Variants in GRIA4 observed in about 807,000 individuals in gnomAD.
The protein encoded by GRIA4 is glutamate receptor 4.
In GRIA4, 34 loss-of-function variants were observed where a neutral mutation model predicts 104.0. That is an observed-to-expected ratio of 0.33 (90% CI 0.25 to 0.44). GRIA4 has a LOEUF of 0.44. Among genes scored for constraint, GRIA4 ranks in the 20% least tolerant of loss-of-function variants. The probability of loss-of-function intolerance (pLI) is 1.00; values close to 1 mark genes in which losing one functional copy is unlikely to be tolerated. For synonymous variants in GRIA4, 386 were observed against 381.9 expected, an observed-to-expected ratio of 1.01 and a Z score of -0.13; for missense variants, 750 against 1,096.5, an observed-to-expected ratio of 0.68 and a Z score of 4.46.
chr11:105,680,262 A>T (rs1472544732), intron 3 of GRIA4, among the ~76,000 whole-genome samples: 3 of 152,098 alleles, frequency 2.0e-5, no homozygotes, highest in African/African-American at 7.2e-5. Flanking sequence ...TACTAGGGGT[A>T]TGGTGAGTGG....
chr11:105,657,835 T>C (rs1433220422), intron 3 of GRIA4, among the ~76,000 whole-genome samples: 7 of 151,944 alleles, frequency 4.6e-5, no homozygotes, highest in Non-Finnish European at 1.0e-4. Flanking sequence ...AAAAATAAGA[T>C]TCAAATATTA....
intron 3 of GRIA4, among the ~76,000 whole-genome samples, chr11:105,666,656 TC>T: frequency 6.6e-6 from 1 of 152,156 alleles, no homozygotes; most frequent in South Asian, 2.1e-4. Context: ...GTTGTTTTAA[TC>T]TTTTTTGAAG....
intron 4 of GRIA4, among the ~76,000 whole-genome samples, chr11:105,839,214 A>G (rs888113239): frequency 2.0e-5 from 3 of 152,194 alleles, no homozygotes; most frequent in African/African-American, 7.2e-5. Context: ...AATTCCATGT[A>G]CTACTTTCCA....
chr11:105,627,129 G>A (rs1490411886), intron 3 of GRIA4, among the ~76,000 whole-genome samples: 3 of 152,154 alleles, frequency 2.0e-5, no homozygotes, highest in Non-Finnish European at 2.9e-5. Flanking sequence ...CAGAAATTAT[G>A]TGACAATCTG....
intron 5 of GRIA4, among the ~76,000 whole-genome samples, chr11:105,871,733 T>A (rs1320584307): frequency 6.6e-6 from 1 of 151,944 alleles, no homozygotes. Context: ...TGAAGTCATA[T>A]GACTTTCAGA....
chr11:105,698,900 A>G (rs1202862060), intron 3 of GRIA4, among the ~76,000 whole-genome samples: 1 of 50,202 alleles, frequency 2.0e-5, no homozygotes, highest in Admixed American at 2.9e-4. Context: ...ACATGCTGCT[A>G]TTTAAGGGGC....
At chr11:105,620,564 AAGTTACCT>A in intron 3 of GRIA4, among the ~76,000 whole-genome samples, 1 of 151,926 alleles carries the variant, frequency 6.6e-6, no homozygotes, top group African/African-American at 2.4e-5. Context: ...GTTTTTCTTA[AAGTTACCT>A]CTGTCACAAC....
At chr11:105,811,058 C>T (rs531768416) in intron 4 of GRIA4, among the ~76,000 whole-genome samples, 2 of 152,036 alleles carry the variant, frequency 1.3e-5, no homozygotes, top group African/African-American at 4.8e-5. Flanking sequence ...GAGGGTTGAA[C>T]TATTTGGGAG....
At chr11:105,725,768 C>T (rs193296008) in intron 3 of GRIA4, among the ~76,000 whole-genome samples, 22 of 152,174 alleles carry the variant, frequency 1.4e-4, no homozygotes, top group African/African-American at 4.6e-4. Context: ...GATGAGGCAT[C>T]ACCTCACCCG....
chr11:105,846,435 A>G (rs1039501550), intron 4 of GRIA4, among the ~76,000 whole-genome samples: 2 of 152,146 alleles, frequency 1.3e-5, no homozygotes, highest in Non-Finnish European at 2.9e-5. Flanking sequence ...CTTAATATAC[A>G]ATGAATGCAT....
intron 3 of GRIA4, among the ~76,000 whole-genome samples, chr11:105,678,989 A>T (rs1952627818): frequency 6.6e-6 from 1 of 152,076 alleles, no homozygotes; most frequent in South Asian, 2.1e-4. Flanking sequence ...TTCCACTAAG[A>T]ATATCCTGAG....
At chr11:105,839,113 C>A (rs1255867485) in intron 4 of GRIA4, among the ~76,000 whole-genome samples, 3 of 152,078 alleles carry the variant, frequency 2.0e-5, no homozygotes, top group African/African-American at 4.8e-5. Flanking sequence ...AGGCTGAGTT[C>A]CCTTCCTGTC....
chr11:105,693,169 A>C (rs916045152), intron 3 of GRIA4, among the ~76,000 whole-genome samples: 53 of 152,218 alleles, frequency 3.5e-4, no homozygotes, highest in Admixed American at 3.5e-3. Context: ...ATCATTAATA[A>C]AAAAGAAATT....
intron 14 of GRIA4, among the ~76,000 whole-genome samples, chr11:105,958,947 T>C (rs1302119725): frequency 6.6e-6 from 1 of 152,232 alleles, no homozygotes; most frequent in African/African-American, 2.4e-5. Flanking sequence ...CCCCAATCTA[T>C]TCTAGCTTGT....
At chr11:105,698,885 G>A (rs1273073832) in intron 3 of GRIA4, among the ~76,000 whole-genome samples, 2 of 146,932 alleles carry the variant, frequency 1.4e-5, no homozygotes, top group East Asian at 4.1e-4. Flanking sequence ...ACTGCTAGTC[G>A]CAGAACATGC....
intron 3 of GRIA4, among the ~76,000 whole-genome samples, chr11:105,682,982 G>A (rs1222648758): frequency 6.6e-6 from 1 of 151,930 alleles, no homozygotes; most frequent in East Asian, 1.9e-4. Context: ...ACTCGAAGGG[G>A]AAAAAAACTA....
intron 3 of GRIA4, among the ~76,000 whole-genome samples, chr11:105,698,246 G>A (rs972736224): frequency 2.0e-4 from 30 of 151,992 alleles, no homozygotes; most frequent in African/African-American, 5.3e-4. Context: ...TGTCTATAAC[G>A]GAAAAGTGTT....
intron 3 of GRIA4, among the ~76,000 whole-genome samples, chr11:105,702,690 C>CTTTTTTTTTT (rs150923757): frequency 3.1e-5 from 3 of 96,074 alleles, no homozygotes; most frequent in Admixed American, 1.5e-4. Context: ...AATTATTTTC[C>CTTTTTTTTTT]TTTCTTTTTT....
At chr11:105,799,304 C>G (rs529653470) in intron 4 of GRIA4, among the ~76,000 whole-genome samples, 6 of 152,110 alleles carry the variant, frequency 3.9e-5, no homozygotes, top group Non-Finnish European at 7.4e-5. Flanking sequence ...GAGTAAAAAC[C>G]TAATCTGAAG....
Sources: allele counts gnomAD v4.1 joint callset (sites outside exome capture counted in the v4.1 genomes callset), GRCh38; gene constraint gnomAD v4.1.1; transcripts MANE v1.5; gene names NCBI Gene and HGNC (gene_info 2026-07-23, HGNC 2026-07-21).